Variants in MTHFD1L observed in about 807,000 individuals in gnomAD.
The protein encoded by MTHFD1L is monofunctional C1-tetrahydrofolate synthase, mitochondrial.
In MTHFD1L, 81 loss-of-function variants were observed where a neutral mutation model predicts 119.5. The ratio of observed to expected loss-of-function variants is 0.68; its 90% CI spans 0.57 to 0.82. The LOEUF (loss-of-function observed/expected upper bound fraction) is 0.82, where lower values mean the gene tolerates loss of function less well. MTHFD1L is among the 40% of genes least tolerant of loss of function. The probability of loss-of-function intolerance (pLI) is 0.00; values close to 1 mark genes in which losing one functional copy is unlikely to be tolerated. For missense variants in MTHFD1L, 1,125 were observed against 1,253.4 expected (o/e 0.90, Z 1.55); for synonymous variants, 430 against 475.2 (o/e 0.90, Z 1.24).
intron 20 of MTHFD1L, among the ~76,000 whole-genome samples, chr6:150,978,400 A>G (rs1030720281): frequency 3.9e-5 from 6 of 151,912 alleles, no homozygotes; most frequent in African/African-American, 1.2e-4. Context: ...ATTGATTGCA[A>G]CTCTGCTGCT....
intron 20 of MTHFD1L, among the ~76,000 whole-genome samples, chr6:150,974,355 G>A (rs1351623466): frequency 6.6e-6 from 1 of 152,176 alleles, no homozygotes; most frequent in Non-Finnish European, 1.5e-5. Flanking sequence ...ATACACTACT[G>A]ATGAAGGTTA....
intron 8 of MTHFD1L, among the ~76,000 whole-genome samples, chr6:150,915,356 C>G (rs1787675479): frequency 6.6e-6 from 1 of 152,000 alleles, no homozygotes; most frequent in African/African-American, 2.4e-5. Context: ...CCAGGGAAGC[C>G]AAAAGATTAC....
chr6:150,971,236 A>ACCCAC (rs1306987446), intron 19 of MTHFD1L, among the ~76,000 whole-genome samples: 1 of 151,952 alleles, frequency 6.6e-6, no homozygotes, highest in Admixed American at 6.6e-5. Context: ...TCGGTCTGTC[A>ACCCAC]CCCACACTGG....
chr6:151,070,084 T>C (rs1791797444), intron 26 of MTHFD1L, among the ~76,000 whole-genome samples: 1 of 152,198 alleles, frequency 6.6e-6, no homozygotes, highest in African/African-American at 2.4e-5. Context: ...GCAAGATACA[T>C]CACGTCTCCA....
intron 20 of MTHFD1L, among the ~76,000 whole-genome samples, chr6:150,975,821 C>G (rs1776476126): frequency 6.6e-6 from 1 of 152,312 alleles, no homozygotes; most frequent in African/African-American, 2.4e-5. Context: ...CTGAGCAGTA[C>G]CTCATTTAGA....
intron 25 of MTHFD1L, among the ~76,000 whole-genome samples, chr6:151,035,159 A>G (rs1351605084): frequency 6.6e-6 from 1 of 152,230 alleles, no homozygotes; most frequent in Non-Finnish European, 1.5e-5. Context: ...GACAAAGGCA[A>G]GTAGGCAAAC....
chr6:151,072,991 CA>C (rs56849042), intron 26 of MTHFD1L, among the ~76,000 whole-genome samples: 45,857 of 151,862 alleles, frequency 0.3, 7,134 homozygotes, highest in South Asian at 0.45. Context: ...CACCAGGCAG[CA>C]AAAAACAGTG....
chr6:151,004,311 T>C (rs922570161), intron 20 of MTHFD1L, among the ~76,000 whole-genome samples: 1 of 152,142 alleles, frequency 6.6e-6, no homozygotes, highest in Non-Finnish European at 1.5e-5. Context: ...GGCAACAGAA[T>C]GAGACTCCAT....
At chr6:150,989,774 A>G (rs1249813708) in intron 20 of MTHFD1L, among the ~76,000 whole-genome samples, 1 of 152,234 alleles carries the variant, frequency 6.6e-6, no homozygotes, top group South Asian at 2.1e-4. Context: ...AAGACACATG[A>G]CATACTCTTA....
At chr6:151,012,048 A>AAAAAAAC (rs1782348806) in intron 21 of MTHFD1L, among the ~76,000 whole-genome samples, 1 of 147,378 alleles carries the variant, frequency 6.8e-6, no homozygotes, top group Non-Finnish European at 1.5e-5. Context: ...AAAAAAAAAA[A>AAAAAAAC]AAACCAGCAG....
intron 2 of MTHFD1L, among the ~76,000 whole-genome samples, chr6:150,877,140 CCTT>C (rs1420643338): frequency 3.9e-5 from 6 of 152,218 alleles, no homozygotes; most frequent in Admixed American, 3.9e-4. Flanking sequence ...GTAGCTTTGA[CCTT>C]CTGGGCTCAA....
At chr6:151,004,900 A>G (rs1416474019) in intron 20 of MTHFD1L, among the ~76,000 whole-genome samples, 1 of 152,246 alleles carries the variant, frequency 6.6e-6, no homozygotes, top group Non-Finnish European at 1.5e-5. Flanking sequence ...ATTTATTACA[A>G]GCCTTATTAA....
At chr6:150,910,015 T>C (rs1362314963) in intron 8 of MTHFD1L, among the ~76,000 whole-genome samples, 1 of 151,964 alleles carries the variant, frequency 6.6e-6, no homozygotes, top group South Asian at 2.1e-4. Context: ...ACCTCATCTC[T>C]ATTAAAAATA....
chr6:151,046,471 G>GTGTATATATATATATA (rs1171603108), intron 26 of MTHFD1L, among the ~76,000 whole-genome samples: 2 of 36,448 alleles, frequency 5.5e-5, no homozygotes, highest in African/African-American at 1.2e-4. Flanking sequence ...ATGTGTGTGT[G>GTGTATATATATATATA]TATATATATA....
intron 24 of MTHFD1L, 139 bp from the exon 25 acceptor site, chr6:151,034,354 T>A (rs1785802811): frequency 6.3e-6 from 4 of 639,078 alleles, no homozygotes; most frequent in Non-Finnish European, 8.4e-6. Context: ...AAAGAGGGTT[T>A]GCTAGGAATC....
chr6:150,968,809 C>T (rs1017050271), intron 19 of MTHFD1L, among the ~76,000 whole-genome samples: 13 of 37,912 alleles, frequency 3.4e-4, no homozygotes, highest in Non-Finnish European at 4.8e-4. Context: ...GCCACCATGC[C>T]CCAGCCAGGA....
At chr6:150,941,193 G>A (rs1353377920) in intron 13 of MTHFD1L, among the ~76,000 whole-genome samples, 1 of 152,206 alleles carries the variant, frequency 6.6e-6, no homozygotes, top group African/African-American at 2.4e-5. Context: ...TTCAGCCAGT[G>A]GGAACTGCTG....
chr6:151,052,890 G>C (rs1482149373), intron 26 of MTHFD1L, among the ~76,000 whole-genome samples: 1 of 152,186 alleles, frequency 6.6e-6, no homozygotes, highest in East Asian at 1.9e-4. Context: ...TAACCAAGAA[G>C]GCCTTAAGTG....
intron 1 of MTHFD1L, among the ~76,000 whole-genome samples, chr6:150,873,931 G>A (rs1430202043): frequency 1.3e-5 from 2 of 152,062 alleles, no homozygotes; most frequent in East Asian, 1.9e-4. Flanking sequence ...TTGGCCTCCC[G>A]AAGTACTGGG....
Sources: gnomAD v4.1 joint callset for allele counts (sites outside exome capture counted in the v4.1 genomes callset) on GRCh38, gnomAD v4.1.1 for gene constraint, MANE v1.5 for transcripts, NCBI Gene and HGNC (gene_info 2026-07-23, HGNC 2026-07-21) for gene names.